CHKA: variants seen among roughly 807,000 people sequenced by gnomAD.
CHKA encodes CHETK-alpha.
In CHKA, 34 loss-of-function variants were observed where a neutral mutation model predicts 60.1. The ratio of observed to expected loss-of-function variants is 0.57; its 90% confidence interval spans 0.43 to 0.75. The LOEUF (loss-of-function observed/expected upper bound fraction) is 0.75. Ranked by LOEUF, CHKA falls within the 30% of genes least tolerant of loss-of-function variation. CHKA has a pLI of 0.00. For missense variants in CHKA, 563 were observed against 561.3 expected (o/e 1.00, Z -0.03); for synonymous variants, 217 against 223.1 (o/e 0.97, Z 0.24).
intron 6 of CHKA, among the ~76,000 whole-genome samples, chr11:68,069,314 TTTTA>T (rs1269566977): frequency 7.2e-5 from 11 of 152,196 alleles, no homozygotes; most frequent in Non-Finnish European, 1.5e-4. Flanking sequence ...TTTGACATTA[TTTTA>T]TTTGTTTACT....
chr11:68,111,334 C>T (rs976030946), intron 1 of CHKA, among the ~76,000 whole-genome samples: 2 of 151,800 alleles, frequency 1.3e-5, no homozygotes, highest in African/African-American at 2.4e-5. Flanking sequence ...ATTGCTTGAA[C>T]CTGGGAGGCA....
chr11:68,079,023 T>C (rs1015788721), intron 3 of CHKA, among the ~76,000 whole-genome samples: 7 of 151,520 alleles, frequency 4.6e-5, no homozygotes, highest in African/African-American at 1.7e-4. Flanking sequence ...AGCCTCCGCC[T>C]CCTGGGTTCA....
intron 4 of CHKA, among the ~76,000 whole-genome samples, chr11:68,073,726 C>T (rs1348328259): frequency 6.6e-6 from 1 of 152,182 alleles, no homozygotes; most frequent in Non-Finnish European, 1.5e-5. Flanking sequence ...TGGTCCCCAG[C>T]CAGACGCAGC....
intron 1 of CHKA, among the ~76,000 whole-genome samples, chr11:68,120,024 T>A (rs1363177832): frequency 6.7e-6 from 1 of 150,210 alleles, no homozygotes; most frequent in African/African-American, 2.5e-5. Context: ...AGGTCGGGAG[T>A]TCAAGATCAG....
chr11:68,065,854 C>T lies in CHKA; in HGVS notation c.1057G>A (p.Asp353Asn). Residue 353 changes from aspartate to asparagine, a missense_variant, in exon 9 of 12, where the codon GAT becomes AAT. Asp to Asn is a conservative substitution (Grantham distance 23, BLOSUM62 1). Transcript: ENST00000265689. ...AAAGGGTATTTTTCATAGCTATAAT[C>T]ATACATCCACTCACAGAAGTGATTT... ...IGNHFCEWMY[D>N]YSYEKYPFFR... 6.2e-7 allele frequency: 1 copy of T among 1,606,316 alleles called. No individual in the cohort carries two copies. Among genetic ancestry groups the T allele is most frequent in the Non-Finnish European group, 8.5e-7 (1 of 1,173,752 alleles).
At chr11:68,058,065 G>A (rs376222450) in intron 11 of CHKA, among the ~76,000 whole-genome samples, 23 of 152,176 alleles carry the variant, frequency 1.5e-4, no homozygotes, top group East Asian at 5.8e-4. Flanking sequence ...TAATTGTTTC[G>A]TATTTTTTGT....
chr11:68,057,245 A>G (rs1405637320), intron 11 of CHKA, among the ~76,000 whole-genome samples: 1 of 151,796 alleles, frequency 6.6e-6, no homozygotes, highest in Non-Finnish European at 1.5e-5. Flanking sequence ...GCTCACAGCA[A>G]CTTACTCTAT....
intron 2 of CHKA, among the ~76,000 whole-genome samples, chr11:68,092,503 G>A (rs1857382230): frequency 6.6e-6 from 1 of 152,112 alleles, no homozygotes; most frequent in Admixed American, 6.6e-5. Context: ...AAAATCCTCG[G>A]CACAGTGTGT....
chr11:68,084,393 CACATATACGTATATATGTGTATAT>C (rs1857105910), intron 2 of CHKA, among the ~76,000 whole-genome samples: 2 of 112,672 alleles, frequency 1.8e-5, no homozygotes, highest in African/African-American at 6.7e-5. Context: ...TATATATACA[CACATATACGTATATATGTGTATAT>C]ATATATACAC....
chr11:68,064,634 T>G lies in CHKA; in HGVS notation c.1126-3A>C. Reference sequence around the variant, plus strand: ...AAGTAACTGGAAATAAAATGGAGCTTAAAAAAAAGTAATTGTGTTAGGATC... The same window carrying G: ...AAGTAACTGGAAATAAAATGGAGCTGAAAAAAAAGTAATTGTGTTAGGATC... On this transcript the variant is annotated splice_polypyrimidine_tract_variant and splice_region_variant and intron_variant, in intron 9 of 11. Transcript: ENST00000265689. 6.5e-7 allele frequency: 1 copy of G among 1,527,800 alleles called. No homozygotes were observed. The highest frequency in any genetic ancestry group is 9.0e-7 in the Non-Finnish European group (1 of 1,116,674). The allele number at this position is 1,527,800 out of a possible 1,614,324, so 94.6% of individuals were successfully genotyped here. A position where few individuals can be genotyped will look rare whatever the true frequency, so the allele number is the denominator to read the frequency against.
chr11:68,104,321 G>A (rs535481005), intron 1 of CHKA, among the ~76,000 whole-genome samples: 1 of 152,206 alleles, frequency 6.6e-6, no homozygotes, highest in African/African-American at 2.4e-5. Flanking sequence ...CTTACCAGAG[G>A]CGAGGGGAGG....
intron 3 of CHKA, among the ~76,000 whole-genome samples, chr11:68,076,779 A>C (rs1018780822): frequency 2.6e-5 from 4 of 152,322 alleles, no homozygotes; most frequent in Middle Eastern, 3.4e-3. Context: ...CCCAGAAAGG[A>C]CATAGAGAAG....
chr11:68,056,760 A>T (rs1014387570), intron 11 of CHKA, among the ~76,000 whole-genome samples: 11 of 152,066 alleles, frequency 7.2e-5, no homozygotes, highest in African/African-American at 1.9e-4. Context: ...CTGTAGTCCC[A>T]GCTACTTGGA....
intron 4 of CHKA, among the ~76,000 whole-genome samples, chr11:68,072,183 T>C (rs1856640793): frequency 6.6e-6 from 1 of 152,192 alleles, no homozygotes; most frequent in Admixed American, 6.5e-5. Flanking sequence ...GGCCCGGCTA[T>C]TCTCACATGC....
At chr11:68,054,101 T>C in intron 11 of CHKA, 54 bp from the exon 12 acceptor site, 3 of 1,474,946 alleles carry the variant, frequency 2.0e-6, no homozygotes, top group Non-Finnish European at 2.8e-6. Context: ...GCCTGAACCC[T>C]GCCCATGTGT....
intron 4 of CHKA, among the ~76,000 whole-genome samples, chr11:68,071,305 G>T (rs963378046): frequency 6.6e-6 from 1 of 152,206 alleles, no homozygotes; most frequent in Non-Finnish European, 1.5e-5. Context: ...GTCCAGAATA[G>T]GTCCTAACCA....
intron 2 of CHKA, among the ~76,000 whole-genome samples, chr11:68,093,704 T>C (rs1191492710): frequency 6.6e-6 from 1 of 152,216 alleles, no homozygotes; most frequent in Non-Finnish European, 1.5e-5. Context: ...CAATGAATCT[T>C]TATTAGAGGA....
intron 4 of CHKA, 76 bp downstream of exon 4, chr11:68,074,635 GCAGGTT>G: frequency 8.5e-7 from 1 of 1,169,722 alleles, no homozygotes; most frequent in Non-Finnish European, 1.3e-6. Context: ...ACACAGCATT[GCAGGTT>G]CTTGCAGCAA....
rs367752782 is a variant in CHKA at position 68,082,121 on chromosome 11, C to T, written c.463-664G>A. On this transcript the variant is annotated intron_variant, in intron 2 of 11. Transcript: ENST00000265689. The stretch of plus-strand genomic sequence containing the variant: ...AATATATTAAGAAATACTTATATCA[C>T]TTTCCTCAATGAAATTGCAAATTTA... 6.6e-5 allele frequency: 10 copies of T among 151,996 alleles called. No homozygotes were observed. In the East Asian group the frequency reaches 1.7e-3, roughly 26 times the overall value. 9.4% of individuals were successfully genotyped at this position (151,996 alleles called of 1,614,324 possible). A position where few individuals can be genotyped will look rare whatever the true frequency, so the allele number is the denominator to read the frequency against.
Sources: allele counts gnomAD v4.1 joint callset (sites outside exome capture counted in the v4.1 genomes callset), GRCh38; gene constraint gnomAD v4.1.1; transcripts MANE v1.5; gene names NCBI Gene and HGNC (gene_info 2026-07-23, HGNC 2026-07-21).